The following TBC1D8 variants were observed in gnomAD, a reference collection of about 807,000 sequenced individuals.
TBC1D8 encodes TBC1 domain family member 8, also known as BUB2-like protein 1.
A neutral mutation model predicts 118.8 loss-of-function variants in TBC1D8; 65 were observed. The observed-to-expected ratio is 0.55, with a 90% CI of 0.45 to 0.67. The LOEUF (loss-of-function observed/expected upper bound fraction) is 0.67, where lower values mean the gene tolerates loss of function less well. Ranked by LOEUF, TBC1D8 falls within the 30% of genes least tolerant of loss-of-function variation. The pLI, the probability that TBC1D8 is intolerant of heterozygous loss-of-function variation, is 0.00. For synonymous variants in TBC1D8, 566 were observed against 595.8 expected (o/e 0.95, Z 0.73); for missense variants, 1,376 against 1,471.2 (o/e 0.94, Z 1.06).
intron 3 of TBC1D8, among the ~76,000 whole-genome samples, chr2:101,055,379 CAA>C (rs554844344): frequency 1.5e-5 from 2 of 134,200 alleles, no homozygotes; most frequent in Non-Finnish European, 1.6e-5. Flanking sequence ...ACAGAGTCCT[CAA>C]AAAAAAAAAA....
At chr2:101,022,595 A>T (rs1680104905) in intron 15 of TBC1D8, 74 bp from the exon 16 acceptor site, 2 of 1,514,738 alleles carry the variant, frequency 1.3e-6, no homozygotes, top group Admixed American at 5.2e-5. Context: ...AACAAATACA[A>T]TAATAAATTA....
chr2:101,054,672 C>CTTTTCTTTTT (rs1682299347), intron 3 of TBC1D8, among the ~76,000 whole-genome samples: 1 of 25,436 alleles, frequency 3.9e-5, no homozygotes, highest in Admixed American at 6.2e-4. Flanking sequence ...CTTTTCTTTT[C>CTTTTCTTTTT]TTTTTTTTTT....
chr2:101,140,614 T>C (rs1185001659), intron 1 of TBC1D8, among the ~76,000 whole-genome samples: 2 of 152,120 alleles, frequency 1.3e-5, no homozygotes, highest in East Asian at 3.9e-4. Context: ...AGCATATAAT[T>C]CTGCAAGGCT....
At chr2:101,011,744 G>A (rs548091433) in intron 17 of TBC1D8, among the ~76,000 whole-genome samples, 73 of 152,288 alleles carry the variant, frequency 4.8e-4, no homozygotes, top group African/African-American at 1.6e-3. Context: ...CACCAAGTGT[G>A]CCTTTTCCCA....
At chr2:101,144,805 G>A (rs1334208219) in intron 1 of TBC1D8, among the ~76,000 whole-genome samples, 2 of 152,066 alleles carry the variant, frequency 1.3e-5, no homozygotes, top group Non-Finnish European at 2.9e-5. Flanking sequence ...GGGTGTGGTG[G>A]TGCGTGCCTG....
intron 2 of TBC1D8, among the ~76,000 whole-genome samples, chr2:101,064,725 T>C (rs1403295016): frequency 6.6e-6 from 1 of 152,166 alleles, no homozygotes; most frequent in East Asian, 1.9e-4. Context: ...ACAACACTGA[T>C]GACTTAGGAG....
intron 15 of TBC1D8, 55 bp downstream of exon 15, chr2:101,027,328 C>G (rs562930051): frequency 2.1e-5 from 32 of 1,551,366 alleles, no homozygotes; most frequent in Non-Finnish European, 2.8e-5. Flanking sequence ...GGCTGGGCAC[C>G]GCGGCTCAGG....
intron 5 of TBC1D8, among the ~76,000 whole-genome samples, chr2:101,050,011 T>G (rs903366511): frequency 6.6e-6 from 1 of 151,936 alleles, no homozygotes; most frequent in African/African-American, 2.4e-5. Flanking sequence ...GTATTTTTAG[T>G]AGAGACGGGT....
intron 5 of TBC1D8, among the ~76,000 whole-genome samples, chr2:101,048,257 A>G (rs1353051623): frequency 6.6e-6 from 1 of 152,198 alleles, no homozygotes; most frequent in South Asian, 2.1e-4. Flanking sequence ...TCAGATACCA[A>G]CTACTGTAGA....
intron 3 of TBC1D8, among the ~76,000 whole-genome samples, chr2:101,057,873 T>C (rs1182854552): frequency 6.6e-6 from 1 of 152,208 alleles, no homozygotes; most frequent in Non-Finnish European, 1.5e-5. Context: ...GTTAATCTTT[T>C]GTCAGTGTAA....
intron 1 of TBC1D8, among the ~76,000 whole-genome samples, chr2:101,118,093 T>C (rs922624856): frequency 1.3e-5 from 2 of 152,040 alleles, no homozygotes; most frequent in African/African-American, 2.4e-5. Context: ...AAGTCACGAA[T>C]GAGTGAGGAC....
intron 1 of TBC1D8, among the ~76,000 whole-genome samples, chr2:101,118,558 T>A (rs185804040): frequency 1.6e-3 from 242 of 151,986 alleles, no homozygotes; most frequent in Middle Eastern, 0.014. Flanking sequence ...TTAGCCAGGC[T>A]TGGTGGCAGG....
chr2:101,108,571 CAACA>C (rs1213290251), intron 1 of TBC1D8, among the ~76,000 whole-genome samples: 15 of 152,202 alleles, frequency 9.9e-5, no homozygotes, highest in African/African-American at 3.6e-4. Context: ...CTTCTGAGAC[CAACA>C]ACTTTACTTG....
intron 2 of TBC1D8, among the ~76,000 whole-genome samples, chr2:101,066,473 A>G (rs1470773145): frequency 6.6e-6 from 1 of 152,166 alleles, no homozygotes; most frequent in Non-Finnish European, 1.5e-5. Context: ...TCTTAAAAAA[A>G]TGGATAAAGT....
chr2:101,011,009 G>C lies in TBC1D8; in HGVS notation c.2935C>G (p.Gln979Glu). The C allele has an allele frequency of 1.2e-6, 2 of 1,612,448 alleles. No individual in the cohort carries two copies. The highest frequency in any genetic ancestry group is 1.7e-6 in the Non-Finnish European group (2 of 1,179,786). ...TTAATCATCTGCTTCAGCTGTTTCTGATAATCAACTGCATCACCTTGAAAC... is the reference window on the plus strand; with the variant it reads ...TTAATCATCTGCTTCAGCTGTTTCTCATAATCAACTGCATCACCTTGAAAC... ...GKPNGDAVDY[Q>E]KQLKQMIKDL... is the part of the protein sequence containing the mutation. Residue 979 changes from glutamine (Q) to glutamate (E), a missense_variant, in exon 19 of 20, where the codon CAG (glutamine) becomes GAG (glutamate). By Grantham distance (29) the Gln-to-Glu change is conservative. Transcript: ENST00000409318.
chr2:101,081,566 G>A (rs1436506687), intron 2 of TBC1D8, among the ~76,000 whole-genome samples: 2 of 152,060 alleles, frequency 1.3e-5, no homozygotes, highest in African/African-American at 2.4e-5. Flanking sequence ...CCTGAAGTGG[G>A]CCCCCTGGGA....
At chr2:101,143,843 G>A (rs1679215749) in intron 1 of TBC1D8, among the ~76,000 whole-genome samples, 1 of 152,228 alleles carries the variant, frequency 6.6e-6, no homozygotes, top group Non-Finnish European at 1.5e-5. Flanking sequence ...CTACAGGCGT[G>A]AGCCCCCTTG....
In TBC1D8 at chr2:101,118,563, G is replaced by A. The variant is rs374507962; in HGVS notation, c.128-28199C>T. On this transcript the variant is annotated intron_variant, in intron 1 of 19. Transcript: ENST00000409318. ...TACAAAAAAATTAGCCAGGCTTGGT[G>A]GCAGGCACCTGTAGTCCCAACTACT... 1.8e-4 allele frequency among the ~76,000 whole-genome samples: 27 copies of A among 151,762 alleles called. 1 individual carries two copies. The highest frequency in any genetic ancestry group is 6.3e-4 in the African/African-American group (26 of 41,512).
chr2:101,073,822 A>G (rs1053363147), intron 2 of TBC1D8, among the ~76,000 whole-genome samples: 1 of 152,238 alleles, frequency 6.6e-6, no homozygotes, highest in South Asian at 2.1e-4. Context: ...ACCTTCACAG[A>G]ATTTAAGAAA....
Sources: gnomAD v4.1 joint callset for allele counts (sites outside exome capture counted in the v4.1 genomes callset) on GRCh38, gnomAD v4.1.1 for gene constraint, MANE v1.5 for transcripts, NCBI Gene and HGNC (gene_info 2026-07-23, HGNC 2026-07-21) for gene names.